The following DSCAM variants were observed in gnomAD, a reference collection of about 807,000 sequenced individuals.
DSCAM encodes the protein cell adhesion molecule DSCAM.
DSCAM carries 47 observed loss-of-function variants against 217.7 expected under a neutral mutation model. The observed-to-expected ratio is 0.22, with a 90% CI of 0.17 to 0.28. The LOEUF is 0.28. Ranked by LOEUF, DSCAM falls within the 10% of genes least tolerant of loss-of-function variation. DSCAM has a pLI of 1.00. For missense variants in DSCAM, 2,080 were observed against 2,618.3 expected (o/e 0.79, Z 4.49); for synonymous variants, 1,056 against 1,015.3 (o/e 1.04, Z -0.76).
chr21:40,353,072 G>C (rs2074650399), intron 5 of DSCAM, among the ~76,000 whole-genome samples: 1 of 152,266 alleles, frequency 6.6e-6, no homozygotes, highest in Admixed American at 6.5e-5. Flanking sequence ...TGCTTTGATT[G>C]GCTACCATCA....
At chr21:40,191,892 T>C (rs1289451016) in intron 11 of DSCAM, among the ~76,000 whole-genome samples, 2 of 152,202 alleles carry the variant, frequency 1.3e-5, no homozygotes, top group Non-Finnish European at 2.9e-5. Flanking sequence ...GGACTTCTTA[T>C]GAGGATACCA....
At chr21:40,209,823 T>A (rs925323502) in intron 11 of DSCAM, among the ~76,000 whole-genome samples, 1 of 152,284 alleles carries the variant, frequency 6.6e-6, no homozygotes, top group South Asian at 2.1e-4. Flanking sequence ...TTATAACTCA[T>A]CGCTCATTCA....
chr21:40,179,140 T>A (rs770678102), intron 14 of DSCAM, 46 bp from the exon 15 acceptor site: 5 of 1,529,064 alleles, frequency 3.3e-6, no homozygotes, highest in Non-Finnish European at 3.5e-6. Context: ...AGACGTGAGT[T>A]TTTTTCCTCT....
At chr21:40,742,982 T>C (rs1159798486) in intron 1 of DSCAM, among the ~76,000 whole-genome samples, 1 of 152,220 alleles carries the variant, frequency 6.6e-6, no homozygotes, top group Non-Finnish European at 1.5e-5. Flanking sequence ...TTTGAATGCC[T>C]CTGTCTCAAA....
At chr21:40,401,097 A>T (rs1282334814) in intron 3 of DSCAM, among the ~76,000 whole-genome samples, 2 of 152,232 alleles carry the variant, frequency 1.3e-5, no homozygotes, top group Non-Finnish European at 2.9e-5. Context: ...ACCTTGGTTC[A>T]TACTTTGAGA....
At chr21:40,082,819 G>A (rs2089482046) in intron 24 of DSCAM, among the ~76,000 whole-genome samples, 1 of 152,192 alleles carries the variant, frequency 6.6e-6, no homozygotes, top group African/African-American at 2.4e-5. Context: ...TCCATGGTGA[G>A]GGAATGTTCT....
intron 28 of DSCAM, among the ~76,000 whole-genome samples, chr21:40,062,185 G>A (rs2089133980): frequency 6.6e-6 from 1 of 152,190 alleles, no homozygotes; most frequent in Admixed American, 6.5e-5. Flanking sequence ...TCACAGCTTT[G>A]CCAATCACAA....
intron 11 of DSCAM, 138 bp from the exon 12 acceptor site, chr21:40,189,376 C>T: frequency 1.3e-6 from 1 of 793,216 alleles, no homozygotes; most frequent in Non-Finnish European, 1.9e-6. Context: ...GCATGAGAAT[C>T]TCGAGCAAAA....
chr21:40,080,235 C>G lies in DSCAM; in HGVS notation c.4337G>C (p.Trp1446Ser). 1 of 1,613,416 alleles carries G rather than the reference C, an allele frequency of 6.2e-7. No individual in the cohort carries two copies. The highest frequency in any genetic ancestry group is 8.5e-7 in the Non-Finnish European group (1 of 1,179,882). Reference protein sequence around the residue: ...YRLENLKCGTWYKFTLTAQNG... With the variant: ...YRLENLKCGTSYKFTLTAQNG... ...TTGGGCTGTCAGTGTGAACTTATAC[C>G]AAGTCCCACATTTGAGATTTTCCAA... Residue 1446 changes from tryptophan to serine, a missense_variant, in exon 25 of 33, where the codon TGG becomes TCG. Trp to Ser is a radical substitution (Grantham distance 177, BLOSUM62 -3). Around this residue, in one of 5 missense-constraint regions of DSCAM, gnomAD observed 1,144 missense variants for 1,421.1 expected, o/e 0.81. Transcript: ENST00000400454.
chr21:40,320,335 G>T (rs1352245709), intron 8 of DSCAM, among the ~76,000 whole-genome samples: 2 of 151,978 alleles, frequency 1.3e-5, no homozygotes, highest in African/African-American at 4.8e-5. Context: ...AATGCATATT[G>T]TTTTTCCTAT....
At chr21:40,289,750 C>A (rs2123426848) in intron 10 of DSCAM, among the ~76,000 whole-genome samples, 1 of 152,208 alleles carries the variant, frequency 6.6e-6, no homozygotes, top group African/African-American at 2.4e-5. Flanking sequence ...TGGTGCTCCC[C>A]AAGGTTCAGT....
chr21:40,029,797 C>A (rs1347737914), intron 32 of DSCAM, among the ~76,000 whole-genome samples: 1 of 152,106 alleles, frequency 6.6e-6, no homozygotes, highest in Non-Finnish European at 1.5e-5. Context: ...GCTAAATAAC[C>A]CCCACCCCCA....
intron 3 of DSCAM, among the ~76,000 whole-genome samples, chr21:40,575,751 A>G (rs1420545666): frequency 6.6e-6 from 1 of 152,054 alleles, no homozygotes; most frequent in South Asian, 2.1e-4. Context: ...ATACTTGACA[A>G]AAGATTCATA....
At chr21:40,794,379 G>T (rs1028571302) in intron 1 of DSCAM, among the ~76,000 whole-genome samples, 3 of 151,996 alleles carry the variant, frequency 2.0e-5, no homozygotes, top group Non-Finnish European at 4.4e-5. Context: ...AACAATAGAA[G>T]TGGCTGCTTT....
At chr21:40,433,126 A>T (rs949211786) in intron 3 of DSCAM, among the ~76,000 whole-genome samples, 1 of 152,124 alleles carries the variant, frequency 6.6e-6, no homozygotes, top group African/African-American at 2.4e-5. Context: ...TGAGAGGCTG[A>T]GGTGGGTGAA....
intron 25 of DSCAM, 91 bp from the exon 26 acceptor site, chr21:40,079,068 G>C: frequency 6.9e-7 from 1 of 1,442,458 alleles, no homozygotes; most frequent in Non-Finnish European, 9.4e-7. Flanking sequence ...GCTTCCTCCA[G>C]CGAGGCCAGG....
chr21:40,251,150 A>T (rs1420079691), intron 11 of DSCAM, among the ~76,000 whole-genome samples: 1 of 152,264 alleles, frequency 6.6e-6, no homozygotes, highest in Non-Finnish European at 1.5e-5. Flanking sequence ...CCAGAGTCAA[A>T]TGGGCCATCG....
intron 14 of DSCAM, 44 bp from the exon 15 acceptor site, chr21:40,179,138 GT>G (rs1419746984): frequency 1.8e-6 from 2 of 1,124,616 alleles, no homozygotes; most frequent in South Asian, 1.5e-5. Context: ...AGAGACGTGA[GT>G]TTTTTTCCTC....
chr21:40,044,695 G>C (rs2088815246), intron 30 of DSCAM, among the ~76,000 whole-genome samples: 1 of 152,152 alleles, frequency 6.6e-6, no homozygotes, highest in South Asian at 2.1e-4. Flanking sequence ...AGAATGACTT[G>C]AGAGAGGTAC....
Sources: gnomAD v4.1 joint callset for allele counts (sites outside exome capture counted in the v4.1 genomes callset) on GRCh38, gnomAD v4.1.1 for gene constraint, gnomAD v4.1.1 regional missense constraint, MANE v1.5 for transcripts, NCBI Gene and HGNC (gene_info 2026-07-23, HGNC 2026-07-21) for gene names.